The following BANP variants were observed in gnomAD, a reference collection of about 807,000 sequenced individuals.
BANP encodes protein BANP.
BANP carries 11 observed loss-of-function variants against 68.1 expected under a neutral mutation model. The observed-to-expected ratio is 0.16, with a 90% CI of 0.10 to 0.27. The LOEUF is 0.27. BANP is among the 10% of genes least tolerant of loss of function. The probability of loss-of-function intolerance (pLI) is 1.00; values close to 1 mark genes in which losing one functional copy is unlikely to be tolerated. For missense variants in BANP, 504 were observed against 722.7 expected (o/e 0.70, Z 3.47); for synonymous variants, 329 against 303.2 (o/e 1.09, Z -0.88).
intron 2 of BANP, among the ~76,000 whole-genome samples, chr16:87,977,993 G>A (rs1286180745): frequency 6.6e-6 from 1 of 152,138 alleles, no homozygotes; most frequent in African/African-American, 2.4e-5. Flanking sequence ...CCGCCACCAT[G>A]CCCGGCTAAT....
chr16:88,030,338 G>T (rs2077891703), intron 8 of BANP, among the ~76,000 whole-genome samples: 1 of 152,152 alleles, frequency 6.6e-6, no homozygotes, highest in Non-Finnish European at 1.5e-5. Flanking sequence ...AAGGAAAAAA[G>T]GAACATAGCA....
Position 87,990,183 on chromosome 16 carries a change from TCTG to T in BANP, c.362+5927_362+5929del, listed in dbSNP as rs577779372. Reference sequence around the variant, plus strand: ...TTTAATTTAAAAATAGATTTTAAAATCTGCTTTTTAAAGTCATAGATGTTTATC... The same window carrying T: ...TTTAATTTAAAAATAGATTTTAAAATCTTTTTAAAGTCATAGATGTTTATC... On this transcript the variant is annotated intron_variant, in intron 4 of 13. Coordinates refer to ENST00000682872, the MANE Select transcript of BANP (RefSeq NM_001386991.1). Among the ~76,000 whole-genome samples, 231 of 152,362 alleles carry T rather than the reference TCTG, an allele frequency of 1.5e-3. 2 individuals are homozygous for T. Among genetic ancestry groups the T allele is most frequent in the African/African-American group, 5.2e-3 (218 of 41,588 alleles).
At chr16:88,072,387 G>T (rs542397736) in intron 13 of BANP, among the ~76,000 whole-genome samples, 175 bp downstream of exon 13, 148 of 152,394 alleles carry the variant, frequency 9.7e-4, no homozygotes, top group Middle Eastern at 3.4e-3. Flanking sequence ...TGAACGTGAA[G>T]GTGAGAAGGT....
chr16:88,050,660 T>C (rs1328845561), intron 11 of BANP, among the ~76,000 whole-genome samples: 9 of 152,094 alleles, frequency 5.9e-5, no homozygotes, highest in Non-Finnish European at 1.0e-4. Flanking sequence ...TTTGGATAAG[T>C]GTGAGGGGTG....
At chr16:88,060,706 AG>A (rs1228500380) in intron 11 of BANP, among the ~76,000 whole-genome samples, 4 of 151,748 alleles carry the variant, frequency 2.6e-5, no homozygotes, top group Non-Finnish European at 4.4e-5. Context: ...CAGCCCCTCG[AG>A]GTGTGAAATT....
chr16:87,975,124 G>A lies in BANP; in HGVS notation c.9G>A (p.Ser3=), dbSNP rs761241766. 5 of 1,613,900 alleles carry A rather than the reference G, an allele frequency of 3.1e-6. No individual in the cohort carries two copies. Among genetic ancestry groups the A allele is most frequent in the Admixed American group, 1.7e-5 (1 of 59,992 alleles). ...CACTCTCCGTGCTCTGGATGATGTC[G>A]GAACACGACCTGGCCGATGTGGTTC... MM[S]EHDLADVVQI... is the part of the protein sequence containing the mutation. Residue 3 remains serine (S), a synonymous_variant, in exon 2 of 14, where the codon TCG becomes TCA. Transcript: ENST00000682872.
intron 7 of BANP, among the ~76,000 whole-genome samples, chr16:88,021,587 C>A (rs1004042741): frequency 1.3e-5 from 2 of 152,200 alleles, no homozygotes; most frequent in Non-Finnish European, 2.9e-5. Flanking sequence ...ATTGCTGAAA[C>A]GTAAAAAGCA....
chr16:88,017,750 C>T lies in BANP; in HGVS notation c.656-678C>T, dbSNP rs2074922392. Among the ~76,000 whole-genome samples the T allele has an allele frequency of 2.6e-5, 4 of 152,352 alleles. No homozygotes were observed. The South Asian group carries it at 8.3e-4, about 32-fold the overall frequency. On this transcript the variant is annotated intron_variant, in intron 6 of 13. Coordinates refer to ENST00000682872, the MANE Select transcript of BANP (RefSeq NM_001386991.1). ...CTCCAGGTGTCTGGGCACCGTGTCT[C>T]CTCCATGTGGAGTGTGGGCCTGTCC... is the stretch of plus-strand genomic sequence containing the variant.
intron 4 of BANP, among the ~76,000 whole-genome samples, chr16:87,993,316 T>C (rs940078681): frequency 3.3e-5 from 5 of 152,366 alleles, no homozygotes; most frequent in African/African-American, 1.2e-4. Context: ...GGGAGTTGTG[T>C]GCCGCCTCCT....
chr16:88,049,580 A>G (rs1306157903), intron 11 of BANP, among the ~76,000 whole-genome samples: 2 of 152,134 alleles, frequency 1.3e-5, no homozygotes, highest in African/African-American at 4.8e-5. Context: ...TTAGAGTGAA[A>G]GGAGGGTGAG....
At chr16:88,074,809 G>T (rs1008657259) in intron 13 of BANP, among the ~76,000 whole-genome samples, 1 of 152,114 alleles carries the variant, frequency 6.6e-6, no homozygotes, top group Non-Finnish European at 1.5e-5. Context: ...GGCCGGGCTC[G>T]CAGGAGACAG....
chr16:88,061,292 C>G (rs1312763861), intron 11 of BANP, among the ~76,000 whole-genome samples: 1 of 152,244 alleles, frequency 6.6e-6, no homozygotes, highest in African/African-American at 2.4e-5. Context: ...AGCCTGTTAG[C>G]TTTGAAACTT....
At chr16:88,046,578 C>T (rs2152806197) in intron 11 of BANP, among the ~76,000 whole-genome samples, 1 of 151,936 alleles carries the variant, frequency 6.6e-6, no homozygotes, top group East Asian at 2.0e-4. Flanking sequence ...CGGAGTCTTG[C>T]TCTGTTGCCC....
At chr16:87,971,284 G>C (rs1367762987) in intron 1 of BANP, among the ~76,000 whole-genome samples, 4 of 146,412 alleles carry the variant, frequency 2.7e-5, no homozygotes, top group Non-Finnish European at 6.1e-5. Context: ...TCAGTCCTGC[G>C]TGGAGATAGG....
Position 88,006,225 on chromosome 16 carries a change from C to T in BANP, c.615C>T (p.Ser205=). 1.6e-5 allele frequency: 25 copies of T among 1,612,458 alleles called. No homozygotes were observed. The highest frequency in any genetic ancestry group is 2.0e-5 in the Non-Finnish European group (24 of 1,179,272). ...GCTGTGGGCAGGCGGGCAGTCAGAG[C>T]ATCGGGAGCAACGTCACGCTCATCA... ...VSSCGQAGSQ[S]IGSNVTLITL... Residue 205 remains serine (S), a synonymous_variant, in exon 6 of 14, where the codon AGC becomes AGT. Transcript: ENST00000682872.
intron 11 of BANP, among the ~76,000 whole-genome samples, chr16:88,047,650 T>C (rs2082328072): frequency 6.6e-6 from 1 of 152,158 alleles, no homozygotes; most frequent in African/African-American, 2.4e-5. Flanking sequence ...GAGTCTGATG[T>C]TCTTAGTGGG....
chr16:87,955,071 G>A (rs2057775259), intron 1 of BANP, among the ~76,000 whole-genome samples: 1 of 152,232 alleles, frequency 6.6e-6, no homozygotes, highest in African/African-American at 2.4e-5. Context: ...CAAAGACCCT[G>A]ACTTTGGCTC....
At chr16:88,014,250 C>T (rs565921354) in intron 6 of BANP, among the ~76,000 whole-genome samples, 2 of 152,300 alleles carry the variant, frequency 1.3e-5, no homozygotes, top group South Asian at 4.2e-4. Flanking sequence ...GGGTGGAGGG[C>T]ACGGCCAGCC....
At chr16:87,965,300 G>A (rs540886872) in intron 1 of BANP, among the ~76,000 whole-genome samples, 57 of 152,280 alleles carry the variant, frequency 3.7e-4, no homozygotes, top group African/African-American at 1.3e-3. Flanking sequence ...CCGATGGGTG[G>A]GATCTGGAGG....
Sources: gnomAD v4.1 joint callset for allele counts (sites outside exome capture counted in the v4.1 genomes callset) on GRCh38, gnomAD v4.1.1 for gene constraint, MANE v1.5 for transcripts, NCBI Gene and HGNC (gene_info 2026-07-23, HGNC 2026-07-21) for gene names.